The following SERBP1 variants were observed in gnomAD, a reference collection of about 807,000 sequenced individuals.
SERBP1 encodes the protein SERPINE1 mRNA binding protein 1, also known as SERPINE1 mRNA-binding protein 1.
SERBP1 carries 6 observed loss-of-function variants against 50.2 expected under a neutral mutation model. That is an observed-to-expected ratio of 0.12 (90% CI 0.07 to 0.24). SERBP1 has a LOEUF of 0.24. SERBP1 is among the 10% of genes least tolerant of loss of function. The pLI is 1.00. For missense variants in SERBP1, 346 were observed against 524.9 expected (o/e 0.66, Z 3.33); for synonymous variants, 168 against 182.8 (o/e 0.92, Z 0.65).
chr1:67,418,047 C>T lies in SERBP1; in HGVS notation c.951+1962G>A, dbSNP rs1448063452. On this transcript the variant is annotated intron_variant, in intron 6 of 7. Coordinates refer to ENST00000361219, the MANE Select transcript of SERBP1 (RefSeq NM_001018069.2). ...CTGGAGTGCAGTGGTGTGATCTCAG[C>T]TCACTGCAACCTCTGCCTCCTGTGT... 7.6e-5 allele frequency among the ~76,000 whole-genome samples: 10 copies of T among 130,852 alleles called. No individual in the cohort carries two copies. In the Admixed American group the frequency reaches 9.4e-4, roughly 12 times the overall value. 85.8% of individuals were successfully genotyped at this position (130,852 alleles called of 152,430 possible).
Position 67,424,250 on chromosome 1 carries a change from C to T in SERBP1, c.723G>A (p.Glu241=), listed in dbSNP as rs1482299842. 6.2e-7 allele frequency: 1 copy of T among 1,612,408 alleles called. No individual in the cohort carries two copies. Among genetic ancestry groups the T allele is most frequent in the South Asian group, 1.1e-5 (1 of 90,762 alleles). The change falls in exon 5 of 8, where the codon GAG becomes GAA. Residue 241 remains glutamate (E), a synonymous_variant. Transcript: ENST00000361219. ...LTDLDQSNVT[E]ETPEGEEHHP... is the part of the protein sequence containing the mutation. ...GATGTTCTTCACCTTCAGGTGTTTC[C>T]TCAGTCACATTTGATTGATCCAAGT... is the stretch of plus-strand genomic sequence containing the variant.
chr1:67,408,263 A>G lies in SERBP1; in HGVS notation c.*4944T>C, dbSNP rs1666698146. ...GTCCATAATGAATCAGAACTCAGATACAAAGTTACCACCAGGCATCTTTTA... is the reference window on the plus strand; with the variant it reads ...GTCCATAATGAATCAGAACTCAGATGCAAAGTTACCACCAGGCATCTTTTA... On this transcript the variant is annotated 3_prime_UTR_variant, in exon 8 of 8. Transcript: ENST00000361219. The G allele has an allele frequency of 6.6e-6, 1 of 152,212 alleles. No homozygotes were observed. Among genetic ancestry groups the G allele is most frequent in the Non-Finnish European group, 1.5e-5 (1 of 68,028 alleles). 9.4% of individuals were successfully genotyped at this position (152,212 alleles called of 1,614,324 possible).
intron 4 of SERBP1, 122 bp from the exon 5 acceptor site, chr1:67,424,399 T>A: frequency 5.4e-6 from 7 of 1,301,236 alleles, no homozygotes; most frequent in Non-Finnish European, 7.4e-6. Flanking sequence ...AAAAATACCA[T>A]AAGCTCTCAC....
In SERBP1 at chr1:67,425,690, A is replaced by G. The variant is rs566757534; in HGVS notation, c.464+445T>C. Among the ~76,000 whole-genome samples, 6 of 152,358 alleles carry G rather than the reference A, an allele frequency of 3.9e-5. No homozygotes were observed. The South Asian group carries it at 1.2e-3, about 32-fold the overall frequency. On this transcript the variant is annotated intron_variant, in intron 2 of 7. Transcript: ENST00000361219. ...AAGTGTTTCCATTACAAGAGACCTA[A>G]GTTTGAACTGTTACCCAAAGATCTA... is the stretch of plus-strand genomic sequence containing the variant.
intron 5 of SERBP1, among the ~76,000 whole-genome samples, chr1:67,423,096 C>T: frequency 1.4e-5 from 2 of 147,304 alleles, no homozygotes. Context: ...GGTGGATCAC[C>T]GAGGTCAGGA....
Position 67,419,136 on chromosome 1 carries a change from T to C in SERBP1, c.951+873A>G, listed in dbSNP as rs1394910311. Among the ~76,000 whole-genome samples the C allele has an allele frequency of 2.0e-5, 3 of 152,366 alleles. No individual in the cohort carries two copies. The East Asian group carries it at 5.8e-4, about 29-fold the overall frequency. ...TTTGAACATTCTGCCTCTGTCAGTC[T>C]TGAGACAAGCAAGCCCAATCCCTTT... On this transcript the variant is annotated intron_variant, in intron 6 of 7. Transcript: ENST00000361219.
intron 2 of SERBP1, 21 bp from the exon 3 acceptor site, chr1:67,425,244 T>C: frequency 6.4e-7 from 1 of 1,566,598 alleles, no homozygotes; most frequent in Non-Finnish European, 8.6e-7. Flanking sequence ...AACAAATAAA[T>C]TATACTTCCA....
chr1:67,429,964 C>T (rs1201092362), intron 1 of SERBP1, 24 bp downstream of exon 1: 2 of 1,576,360 alleles, frequency 1.3e-6, no homozygotes, highest in East Asian at 2.2e-5. Context: ...TCCCAGTCTC[C>T]CCCACATTCT....
At position 67,430,373 on chromosome 1, in the gene SERBP1, T is replaced by G. The variant is rs1488120002; in HGVS notation, c.-73A>C. 1 of 1,441,002 alleles carries G rather than the reference T, an allele frequency of 6.9e-7. No individual in the cohort carries two copies. Among genetic ancestry groups the G allele is most frequent in the Non-Finnish European group, 9.3e-7 (1 of 1,078,346 alleles). 89.3% of individuals were successfully genotyped at this position (1,441,002 alleles called of 1,614,324 possible). ...CCGAGCCAAGAGCGCCTGCTTCAGC[T>G]CTTCCCACAAGATGGCCGGGCCGAG... On this transcript the variant is annotated 5_prime_UTR_variant, in exon 1 of 8. Transcript: ENST00000361219.
chr1:67,411,927 CATT>C lies in SERBP1; in HGVS notation c.*1277_*1279del, dbSNP rs1666857917. The C allele has an allele frequency of 1.3e-5, 2 of 152,254 alleles. No individual in the cohort carries two copies. Among genetic ancestry groups the C allele is most frequent in the African/African-American group, 2.4e-5 (1 of 41,382 alleles). The allele number at this position is 152,254 out of a possible 1,614,324, so 9.4% of individuals were successfully genotyped here. ...TGGTGATGCTCCCATTATAGGAATC[CATT>C]ATTTACCTAATTTTCTAATGGAGGA... is the stretch of plus-strand genomic sequence containing the variant. On this transcript the variant is annotated 3_prime_UTR_variant, in exon 8 of 8. Coordinates refer to ENST00000361219, the MANE Select transcript of SERBP1 (RefSeq NM_001018069.2).
intron 2 of SERBP1, 119 bp downstream of exon 2, chr1:67,426,016 G>A: frequency 1.2e-6 from 1 of 826,292 alleles, no homozygotes; most frequent in South Asian, 1.9e-5. Flanking sequence ...AGAGGAGACT[G>A]AGATGAGAGG....
rs1405753570 is a variant in SERBP1, at chr1:67,408,815, T to C, written c.*4392A>G. On this transcript the variant is annotated 3_prime_UTR_variant, in exon 8 of 8. Transcript: ENST00000361219. ...TATATTTTATGTTGCAGGCTACCTA[T>C]CTAAAAAATAATAAAACATGTTTTA... 6.6e-6 allele frequency: 1 copy of C among 152,130 alleles called. No homozygotes were observed. Among genetic ancestry groups the C allele is most frequent in the Non-Finnish European group, 1.5e-5 (1 of 68,018 alleles). 9.4% of individuals were successfully genotyped at this position (152,130 alleles called of 1,614,324 possible).
intron 6 of SERBP1, 130 bp from the exon 7 acceptor site, chr1:67,415,469 G>T: frequency 1.2e-6 from 1 of 810,860 alleles, no homozygotes; most frequent in Non-Finnish European, 1.9e-6. Flanking sequence ...ATGTCTCAAT[G>T]CCTCCACAGG....
At chr1:67,429,903 G>A (rs1667513555) in intron 1 of SERBP1, 85 bp downstream of exon 1, 2 of 1,407,352 alleles carry the variant, frequency 1.4e-6, no homozygotes, top group African/African-American at 1.5e-5. Context: ...GCGGACCCTC[G>A]GAGCTCCAGA....
chr1:67,424,668 A>G (rs1358538842), intron 4 of SERBP1, among the ~76,000 whole-genome samples: 1 of 116,410 alleles, frequency 8.6e-6, no homozygotes, highest in Non-Finnish European at 2.2e-5. Flanking sequence ...CTACAAATAC[A>G]TATGGGGGGG....
Position 67,426,028 on chromosome 1 carries a change from T to A in SERBP1, c.464+107A>T, listed in dbSNP as rs1462812958. 5.5e-6 allele frequency: 5 copies of A among 903,624 alleles called. No homozygotes were observed. The East Asian group carries it at 1.3e-4, about 24-fold the overall frequency. The allele number at this position is 903,624 out of a possible 1,614,324, so 56.0% of individuals were successfully genotyped here. A position where few individuals can be genotyped will look rare whatever the true frequency, so the allele number is the denominator to read the frequency against. On this transcript the variant is annotated intron_variant, in intron 2 of 7. Transcript: ENST00000361219. ...TCAAGAGGAGACTGAGATGAGAGGA[T>A]CATTTGAGCCCAGGAAGCAGAGGCT...
In SERBP1 at chr1:67,424,552, T is replaced by C. The variant is rs141033274; in HGVS notation, c.696-275A>G. On this transcript the variant is annotated intron_variant, in intron 4 of 7. Transcript: ENST00000361219. ...TATAAAATGAAGCTTTACTAGCTTATCAAATTTTGTAATGACAACAAAGTC... is the reference window on the plus strand; with the variant it reads ...TATAAAATGAAGCTTTACTAGCTTACCAAATTTTGTAATGACAACAAAGTC... 601 of 497,118 alleles carry C rather than the reference T, an allele frequency of 1.2e-3. 3 individuals carry two copies. Among genetic ancestry groups the C allele is most frequent in the African/African-American group, 0.011 (560 of 50,576 alleles). The allele number at this position is 497,118 out of a possible 1,614,324, so 30.8% of individuals were successfully genotyped here. A position where few individuals can be genotyped will look rare whatever the true frequency, so the allele number is the denominator to read the frequency against.
intron 1 of SERBP1, chr1:67,429,517 G>C (rs960284130): frequency 6.5e-6 from 1 of 153,722 alleles, no homozygotes; most frequent in Non-Finnish European, 1.4e-5. Context: ...CGTGGGACAA[G>C]ACGGCAGGAC....
chr1:67,422,014 A>G (rs1256905782), intron 5 of SERBP1, among the ~76,000 whole-genome samples: 2 of 152,226 alleles, frequency 1.3e-5, no homozygotes, highest in Non-Finnish European at 2.9e-5. Context: ...GGCACCAATC[A>G]CAACTTCATT....
Sources: allele counts gnomAD v4.1 joint callset (sites outside exome capture counted in the v4.1 genomes callset), GRCh38; gene constraint gnomAD v4.1.1; transcripts MANE v1.5; gene names NCBI Gene and HGNC (gene_info 2026-07-23, HGNC 2026-07-21).